The following TSHR variants were observed in gnomAD, a reference collection of about 807,000 sequenced individuals.
The protein encoded by TSHR is thyroid stimulating hormone receptor.
In TSHR, 51 loss-of-function variants were observed where a neutral mutation model predicts 64.1. The ratio of observed to expected loss-of-function variants is 0.80; its 90% CI spans 0.64 to 1.01. The LOEUF (loss-of-function observed/expected upper bound fraction) is 1.01, where lower values mean the gene tolerates loss of function less well. TSHR is among the 50% of genes least tolerant of loss of function. TSHR has a pLI of 0.00. For missense variants in TSHR, 877 were observed against 942.8 expected (o/e 0.93, Z 0.91); for synonymous variants, 361 against 361.9 (o/e 1.00, Z 0.03).
At chr14:81,118,467 A>T (rs1890630063) in intron 8 of TSHR, among the ~76,000 whole-genome samples, 1 of 145,770 alleles carries the variant, frequency 6.9e-6, no homozygotes, top group Admixed American at 6.8e-5. Flanking sequence ...TCCAACTTAC[A>T]AGGGATGTGA....
At chr14:81,050,619 GC>G (rs1724809178) in intron 1 of TSHR, 2 of 152,126 alleles carry the variant, frequency 1.3e-5, no homozygotes, top group South Asian at 4.1e-4. Flanking sequence ...CATCTTCATA[GC>G]AACTCCATGT....
chr14:81,101,129 A>T (rs558828321), intron 7 of TSHR, among the ~76,000 whole-genome samples: 54 of 152,338 alleles, frequency 3.5e-4, no homozygotes, highest in Non-Finnish European at 7.3e-4. Flanking sequence ...GAGTTTTAGG[A>T]GCTGTGTGCC....
chr14:81,064,870 GA>G (rs1245152507), intron 2 of TSHR, among the ~76,000 whole-genome samples: 1 of 151,976 alleles, frequency 6.6e-6, no homozygotes, highest in African/African-American at 2.4e-5. Flanking sequence ...TGTGGTCCCT[GA>G]AGAGGCAGGA....
intron 7 of TSHR, among the ~76,000 whole-genome samples, chr14:81,102,169 C>A (rs1364723753): frequency 7.0e-6 from 1 of 142,850 alleles, no homozygotes; most frequent in African/African-American, 2.7e-5. Flanking sequence ...GAGACTCCAT[C>A]TCAGGGAAAA....
chr14:81,059,658 G>A (rs766157354), intron 1 of TSHR, among the ~76,000 whole-genome samples: 8 of 151,934 alleles, frequency 5.3e-5, no homozygotes, highest in Non-Finnish European at 1.0e-4. Context: ...CTTCAATTTT[G>A]TTTGATTTAC....
chr14:80,982,385 C>A, intron 1 of TSHR: 1 of 1,260,658 alleles, frequency 7.9e-7, no homozygotes, highest in Non-Finnish European at 1.1e-6. Context: ...GGTAATCATT[C>A]CGGTGCTAAG....
intron 3 of TSHR, among the ~76,000 whole-genome samples, chr14:81,081,281 T>A (rs1566800085): frequency 6.6e-6 from 1 of 152,124 alleles, no homozygotes; most frequent in Non-Finnish European, 1.5e-5. Flanking sequence ...TATGTATGTA[T>A]ATATATATAC....
chr14:81,108,814 T>G, intron 8 of TSHR: 2 of 1,538,648 alleles, frequency 1.3e-6, no homozygotes, highest in Non-Finnish European at 1.7e-6. Context: ...CAGAAAAAAA[T>G]GTACCTGAAT....
At chr14:80,967,226 A>G (rs1011457895) in intron 1 of TSHR, among the ~76,000 whole-genome samples, 4 of 150,408 alleles carry the variant, frequency 2.7e-5, no homozygotes, top group Middle Eastern at 7.0e-3. Flanking sequence ...TTGGAATGAG[A>G]TAAGAAGCTA....
At chr14:80,989,736 G>A (rs926056370) in intron 1 of TSHR, among the ~76,000 whole-genome samples, 17 of 151,998 alleles carry the variant, frequency 1.1e-4, no homozygotes, top group African/African-American at 2.9e-4. Context: ...TAAAATCATC[G>A]GATTTTAGTT....
intron 7 of TSHR, 174 bp from the exon 8 acceptor site, chr14:81,108,201 T>C (rs1423066745): frequency 9.8e-6 from 6 of 611,332 alleles, no homozygotes; most frequent in African/African-American, 7.4e-5. Context: ...CTTTATACAA[T>C]TGAAACCTAG....
Position 81,117,281 on chromosome 14 carries a change from A to G in TSHR, c.692+8829A>G, listed in dbSNP as rs1415712036. 1.6e-3 allele frequency among the ~76,000 whole-genome samples: 178 copies of G among 113,370 alleles called. 1 individual carries two copies. The highest frequency in any genetic ancestry group is 4.4e-3 in the East Asian group (13 of 2,932). The allele number at this position is 113,370 out of a possible 152,430, so 74.4% of individuals were successfully genotyped here. A position where few individuals can be genotyped will look rare whatever the true frequency, so the allele number is the denominator to read the frequency against. ...AAAGGATCAACAAAATAGATAGACC[A>G]CTAGCAAGACTACTAAAGAAAAAAA... is the stretch of plus-strand genomic sequence containing the variant. On this transcript the variant is annotated intron_variant, in intron 8 of 9. Transcript: ENST00000298171.
intron 1 of TSHR, among the ~76,000 whole-genome samples, chr14:80,986,782 C>T (rs887357065): frequency 3.3e-5 from 5 of 152,184 alleles, no homozygotes; most frequent in South Asian, 2.1e-4. Flanking sequence ...CCACTGCTCC[C>T]GGCCTCATTC....
intron 8 of TSHR, among the ~76,000 whole-genome samples, chr14:81,134,561 G>A (rs1051455903): frequency 2.1e-4 from 32 of 152,152 alleles, no homozygotes; most frequent in African/African-American, 7.5e-4. Flanking sequence ...CCAAAAATAC[G>A]GCAATAAACA....
chr14:80,965,845 A>G (rs1339031953), intron 1 of TSHR, among the ~76,000 whole-genome samples: 1 of 152,246 alleles, frequency 6.6e-6, no homozygotes, highest in Non-Finnish European at 1.5e-5. Flanking sequence ...CATCTTATAA[A>G]TATTGTTCTC....
At chr14:81,004,022 T>G (rs951204467) in intron 1 of TSHR, among the ~76,000 whole-genome samples, 1 of 152,186 alleles carries the variant, frequency 6.6e-6, no homozygotes, top group Admixed American at 6.5e-5. Flanking sequence ...ATAAAATATA[T>G]TTTACATTGT....
intron 1 of TSHR, among the ~76,000 whole-genome samples, chr14:80,998,526 CAAGCAG>C (rs969618548): frequency 6.6e-6 from 1 of 151,648 alleles, no homozygotes; most frequent in Non-Finnish European, 1.5e-5. Flanking sequence ...TTATAAAGAT[CAAGCAG>C]AAGCTACTGC....
chr14:80,959,589 C>T (rs995786263), intron 1 of TSHR: 6 of 152,206 alleles, frequency 3.9e-5, no homozygotes, highest in Non-Finnish European at 7.3e-5. Flanking sequence ...GTTGTTTTAA[C>T]CCTGCTTTCA....
At position 81,092,540 on chromosome 14, in the gene TSHR, A is replaced by C; in HGVS notation, c.477A>C (p.Thr159=). 1 of 1,614,150 alleles carries C rather than the reference A, an allele frequency of 6.2e-7. No homozygotes were observed. ...STDIFFILEI[T]DNPYMTSIPV... is the part of the protein sequence containing the mutation. ...TCCCTCTCTCTTGCAGTGAAATTACAGACAACCCTTACATGACGTCAATCC... is the reference window on the plus strand; with the variant it reads ...TCCCTCTCTCTTGCAGTGAAATTACCGACAACCCTTACATGACGTCAATCC... Residue 159 remains threonine (T), a synonymous_variant, in exon 6 of 10, where the codon ACA becomes ACC. Transcript: ENST00000298171.
Sources: gnomAD v4.1 joint callset for allele counts (sites outside exome capture counted in the v4.1 genomes callset) on GRCh38, gnomAD v4.1.1 for gene constraint, MANE v1.5 for transcripts, NCBI Gene and HGNC (gene_info 2026-07-23, HGNC 2026-07-21) for gene names.